ASB5: variants seen among roughly 807,000 people sequenced by gnomAD.
ASB5 encodes the protein ankyrin repeat and SOCS box containing 5.
In ASB5, 45 loss-of-function variants were observed where a neutral mutation model predicts 42.1. That is an observed-to-expected ratio of 1.07 (90% confidence interval 0.84 to 1.37). The LOEUF (loss-of-function observed/expected upper bound fraction) is 1.37, where lower values mean the gene tolerates loss of function less well. Among genes scored for constraint, ASB5 ranks in the 40% most tolerant of loss-of-function variants. The pLI is 0.00. For synonymous variants in ASB5, 147 were observed against 150.6 expected (o/e 0.98, Z 0.18); for missense variants, 402 against 399.8 (o/e 1.01, Z -0.05).
intron 2 of ASB5, 62 bp from the exon 3 acceptor site, chr4:176,222,482 T>C: frequency 7.4e-6 from 10 of 1,344,782 alleles, no homozygotes; most frequent in Non-Finnish European, 1.1e-5. Context: ...ATCATCTATA[T>C]GGATGTCACT....
chr4:176,224,619 T>C (rs565882257), intron 2 of ASB5, among the ~76,000 whole-genome samples: 1 of 152,190 alleles, frequency 6.6e-6, no homozygotes, highest in Non-Finnish European at 1.5e-5. Context: ...GTGATCCACC[T>C]GCCTCCGCCT....
At chr4:176,229,853 C>T (rs1318215925) in intron 1 of ASB5, among the ~76,000 whole-genome samples, 3 of 152,248 alleles carry the variant, frequency 2.0e-5, no homozygotes, top group Non-Finnish European at 2.9e-5. Context: ...GCTATCATTT[C>T]ATGAACTGAG....
chr4:176,239,272 A>C (rs1422571593), intron 1 of ASB5, among the ~76,000 whole-genome samples: 1 of 152,206 alleles, frequency 6.6e-6, no homozygotes, highest in Non-Finnish European at 1.5e-5. Context: ...AGTAAAAGTA[A>C]ATTTTAATTT....
At chr4:176,264,710 G>A (rs1173571581) in intron 1 of ASB5, among the ~76,000 whole-genome samples, 1 of 152,062 alleles carries the variant, frequency 6.6e-6, no homozygotes, top group East Asian at 1.9e-4. Flanking sequence ...CTTGACCTGT[G>A]TGGCTAATCA....
chr4:176,226,287 C>T (rs1753376651), intron 1 of ASB5, among the ~76,000 whole-genome samples: 1 of 152,164 alleles, frequency 6.6e-6, no homozygotes, highest in African/African-American at 2.4e-5. Flanking sequence ...GGACACTCTC[C>T]TCCTCCTGCC....
rs1159551559 is a variant in ASB5, at chr4:176,251,518, C to T, written c.196+17395G>A. On this transcript the variant is annotated intron_variant, in intron 1 of 6. Coordinates refer to ENST00000296525, the MANE Select transcript of ASB5 (RefSeq NM_080874.4). ...CGGAGCTTGCAGTGAGCCGAGATCC[C>T]GCCACTGCACTCCAGCCTGGGCGAC... Among the ~76,000 whole-genome samples, 3 of 67,416 alleles carry T rather than the reference C, an allele frequency of 4.4e-5. No homozygotes were observed. The South Asian group carries it at 1.4e-3, about 31-fold the overall frequency. 44.2% of individuals were successfully genotyped at this position (67,416 alleles called of 152,430 possible).
At chr4:176,269,798 T>C (rs926738625), upstream of ASB5, among the ~76,000 whole-genome samples, 12 of 152,116 alleles carry the variant, frequency 7.9e-5, no homozygotes, top group African/African-American at 2.4e-4. Flanking sequence ...GAATGGTCCC[T>C]GCCACAAGGA....
intron 2 of ASB5, among the ~76,000 whole-genome samples, chr4:176,274,705 T>C (rs1241686194): frequency 1.3e-5 from 2 of 152,138 alleles, no homozygotes; most frequent in Non-Finnish European, 2.9e-5. Flanking sequence ...GTGGAGTATG[T>C]CACTGGGCCA....
intron 2 of ASB5, among the ~76,000 whole-genome samples, chr4:176,223,096 C>T (rs115946881): frequency 0.16 from 23,873 of 152,066 alleles, 2,492 homozygotes; most frequent in Middle Eastern, 0.29. Flanking sequence ...TTGATTGAGG[C>T]TATAAAATTA....
chr4:176,271,678 G>A (rs567948734), upstream of ASB5, among the ~76,000 whole-genome samples: 110 of 152,208 alleles, frequency 7.2e-4, no homozygotes, highest in African/African-American at 1.8e-3. Flanking sequence ...TTGAGGGTAC[G>A]TTGGATGCTA....
chr4:176,261,353 G>A (rs1383393320), intron 1 of ASB5, among the ~76,000 whole-genome samples: 1 of 152,124 alleles, frequency 6.6e-6, no homozygotes, highest in Non-Finnish European at 1.5e-5. Flanking sequence ...TCCGTCATTA[G>A]CTAGCGACCC....
At chr4:176,275,540 A>T (rs1754547959) in intron 2 of ASB5, among the ~76,000 whole-genome samples, 2 of 152,188 alleles carry the variant, frequency 1.3e-5, no homozygotes. Context: ...ACCTTTCTCC[A>T]GCAGTTTACA....
intron 1 of ASB5, among the ~76,000 whole-genome samples, chr4:176,240,391 C>T (rs1753786654): frequency 6.6e-6 from 1 of 152,138 alleles, no homozygotes; most frequent in Admixed American, 6.5e-5. Flanking sequence ...TTAACCAGTG[C>T]TAATGTCCCT....
chr4:176,250,020 A>T (rs182032476), intron 1 of ASB5, among the ~76,000 whole-genome samples: 1 of 150,380 alleles, frequency 6.6e-6, no homozygotes, highest in Non-Finnish European at 1.5e-5. Context: ...AGCCGAGATC[A>T]CACCACTGCA....
At chr4:176,219,033 T>A (rs1371331625) in intron 5 of ASB5, among the ~76,000 whole-genome samples, 1 of 13,984 alleles carries the variant, frequency 7.2e-5, no homozygotes, top group Non-Finnish European at 1.2e-4. Context: ...AAATATATAT[T>A]TGTATGATAT....
chr4:176,274,538 T>A (rs1754531485), intron 2 of ASB5, among the ~76,000 whole-genome samples: 1 of 152,170 alleles, frequency 6.6e-6, no homozygotes, highest in African/African-American at 2.4e-5. Flanking sequence ...ACCCAGGTTT[T>A]TTGCCCTGCA....
intron 1 of ASB5, among the ~76,000 whole-genome samples, chr4:176,267,352 C>G (rs141850766): frequency 3.3e-5 from 5 of 152,284 alleles, no homozygotes; most frequent in African/African-American, 1.2e-4. Flanking sequence ...AGGCCTGGCA[C>G]GGAGGCTCAC....
At chr4:176,261,246 T>G (rs1445381677) in intron 1 of ASB5, among the ~76,000 whole-genome samples, 1 of 152,158 alleles carries the variant, frequency 6.6e-6, no homozygotes, top group Non-Finnish European at 1.5e-5. Flanking sequence ...TGGGGAGGTA[T>G]TCCATCTTCT....
chr4:176,270,571 A>G (rs1171227592), upstream of ASB5, among the ~76,000 whole-genome samples: 2 of 152,184 alleles, frequency 1.3e-5, no homozygotes, highest in East Asian at 3.8e-4. Flanking sequence ...GAAAGAAATT[A>G]CCAAGCTTCT....
Sources: allele counts gnomAD v4.1 joint callset (sites outside exome capture counted in the v4.1 genomes callset), GRCh38; gene constraint gnomAD v4.1.1; transcripts MANE v1.5; gene names NCBI Gene and HGNC (gene_info 2026-07-23, HGNC 2026-07-21).